Variants in CNTN4 observed in about 807,000 individuals in gnomAD.
CNTN4 encodes contactin 4.
CNTN4 carries 77 observed loss-of-function variants against 122.5 expected under a neutral mutation model. The ratio of observed to expected loss-of-function variants is 0.63; its 90% CI spans 0.52 to 0.76. CNTN4 has a LOEUF of 0.76. CNTN4 is among the 30% of genes least tolerant of loss of function. The pLI is 0.00. For synonymous variants in CNTN4, 512 were observed against 447.0 expected (o/e 1.15, Z -1.83); for missense variants, 1,256 against 1,259.1 (o/e 1.00, Z 0.04).
At chr3:2,982,302 C>A (rs1694100083) in intron 13 of CNTN4, among the ~76,000 whole-genome samples, 1 of 152,160 alleles carries the variant, frequency 6.6e-6, no homozygotes, top group Non-Finnish European at 1.5e-5. Flanking sequence ...ACTTTTACTA[C>A]CACCGTCACC....
At chr3:2,149,273 G>A (rs964973387) in intron 2 of CNTN4, among the ~76,000 whole-genome samples, 1 of 152,082 alleles carries the variant, frequency 6.6e-6, no homozygotes, top group Admixed American at 6.6e-5. Flanking sequence ...GTGACCATAC[G>A]CAGTGGTTTT....
At chr3:2,567,943 G>A (rs1007795277) in intron 3 of CNTN4, among the ~76,000 whole-genome samples, 9 of 152,012 alleles carry the variant, frequency 5.9e-5, no homozygotes, top group South Asian at 4.1e-4. Flanking sequence ...ACATTGCACC[G>A]AATTATAATG....
At chr3:2,150,605 A>T (rs977112699) in intron 2 of CNTN4, among the ~76,000 whole-genome samples, 1 of 152,222 alleles carries the variant, frequency 6.6e-6, no homozygotes, top group African/African-American at 2.4e-5. Flanking sequence ...AATCATTTGA[A>T]ACATCAGATA....
intron 3 of CNTN4, among the ~76,000 whole-genome samples, chr3:2,397,050 T>A (rs551641059): frequency 1.3e-5 from 2 of 152,174 alleles, no homozygotes; most frequent in East Asian, 3.9e-4. Context: ...AAGGATGGAG[T>A]TGTTTCATAG....
At chr3:2,929,476 G>A (rs938688965) in intron 13 of CNTN4, among the ~76,000 whole-genome samples, 1 of 152,158 alleles carries the variant, frequency 6.6e-6, no homozygotes, top group Non-Finnish European at 1.5e-5. Flanking sequence ...CAGGGTGGAT[G>A]CTTTTGGTTA....
intron 3 of CNTN4, among the ~76,000 whole-genome samples, chr3:2,424,305 A>G (rs1246170665): frequency 6.9e-6 from 1 of 144,354 alleles, no homozygotes; most frequent in East Asian, 2.1e-4. Flanking sequence ...TATGAGTGAG[A>G]ACATGTGATG....
chr3:2,928,612 T>C (rs985476803), intron 13 of CNTN4, among the ~76,000 whole-genome samples: 1 of 152,212 alleles, frequency 6.6e-6, no homozygotes, highest in African/African-American at 2.4e-5. Context: ...AAAAGGCAAG[T>C]CTTTAACCTT....
intron 4 of CNTN4, among the ~76,000 whole-genome samples, chr3:2,573,338 T>C (rs1162248191): frequency 6.6e-6 from 1 of 152,210 alleles, no homozygotes; most frequent in Non-Finnish European, 1.5e-5. Context: ...ATTGTGAACA[T>C]CTTGGCATCC....
In CNTN4 at chr3:2,945,362, G is replaced by A. The variant is rs771884201; in HGVS notation, c.1358+19583G>A. Among the ~76,000 whole-genome samples, 8 of 152,144 alleles carry A rather than the reference G, an allele frequency of 5.3e-5. No individual in the cohort carries two copies. The South Asian group carries it at 6.2e-4, about 12-fold the overall frequency. Reference sequence around the variant, plus strand: ...ATTGATTCTTTCTTGGCAAGGGAACGCAGTGTGATTCCTCTGCCTCATTTC... The same window carrying A: ...ATTGATTCTTTCTTGGCAAGGGAACACAGTGTGATTCCTCTGCCTCATTTC... On this transcript the variant is annotated intron_variant, in intron 13 of 24. Transcript: ENST00000418658.
At chr3:2,354,669 G>A (rs755820556) in intron 3 of CNTN4, among the ~76,000 whole-genome samples, 2 of 152,140 alleles carry the variant, frequency 1.3e-5, no homozygotes, top group African/African-American at 2.4e-5. Flanking sequence ...ATGAGAGTCT[G>A]ATATTAGCAG....
intron 2 of CNTN4, among the ~76,000 whole-genome samples, chr3:2,231,218 A>G (rs2039473857): frequency 6.6e-6 from 1 of 152,178 alleles, no homozygotes. Context: ...AATTCATACT[A>G]GCCACATTGC....
intron 3 of CNTN4, among the ~76,000 whole-genome samples, chr3:2,471,190 T>C (rs2075672184): frequency 2.0e-5 from 3 of 152,218 alleles, no homozygotes; most frequent in Non-Finnish European, 4.4e-5. Context: ...AAGAGACTTC[T>C]CAAACTAAGT....
intron 6 of CNTN4, among the ~76,000 whole-genome samples, chr3:2,763,544 T>C (rs897729526): frequency 1.3e-5 from 2 of 152,220 alleles, no homozygotes; most frequent in South Asian, 4.1e-4. Context: ...GTCTTTGTAA[T>C]GAAATCTTTG....
intron 3 of CNTN4, among the ~76,000 whole-genome samples, chr3:2,490,177 C>T (rs960232529): frequency 3.4e-5 from 5 of 145,438 alleles, no homozygotes; most frequent in African/African-American, 7.6e-5. Flanking sequence ...AACAAGCAAA[C>T]GTGAACATCT....
intron 12 of CNTN4, among the ~76,000 whole-genome samples, chr3:2,907,993 T>A (rs958650098): frequency 6.6e-6 from 1 of 152,198 alleles, no homozygotes; most frequent in African/African-American, 2.4e-5. Context: ...GCAGTTTATT[T>A]TTTTCCCAAG....
At chr3:2,121,463 A>G (rs1252616937) in intron 2 of CNTN4, among the ~76,000 whole-genome samples, 1 of 148,898 alleles carries the variant, frequency 6.7e-6, no homozygotes, top group African/African-American at 2.5e-5. Flanking sequence ...ACACCACTGC[A>G]CCCAGCCTGG....
In CNTN4 at chr3:2,222,647, C is replaced by T. The variant is rs374579392; in HGVS notation, c.-144-116531C>T. On this transcript the variant is annotated intron_variant, in intron 2 of 24. Coordinates refer to ENST00000418658, the MANE Select transcript of CNTN4 (RefSeq NM_175607.3). The stretch of plus-strand genomic sequence containing the variant: ...CTCTTGAGGGATATAAGAATTTATA[C>T]GCACAACCCCCCACACCCCCAACAC... 2.5e-3 allele frequency among the ~76,000 whole-genome samples: 374 copies of T among 151,548 alleles called. 1 individual carries two copies. The highest frequency in any genetic ancestry group is 0.024 in the Middle Eastern group (7 of 294).
intron 7 of CNTN4, among the ~76,000 whole-genome samples, chr3:2,832,791 T>C (rs370314973): frequency 3.5e-4 from 53 of 152,280 alleles, no homozygotes; most frequent in African/African-American, 1.3e-3. Flanking sequence ...TTGCCTCAAA[T>C]TTAAGTTTTA....
intron 18 of CNTN4, 149 bp downstream of exon 18, chr3:3,037,477 CAGGAG>C: frequency 9.0e-7 from 1 of 1,109,136 alleles, no homozygotes; most frequent in Non-Finnish European, 1.4e-6. Context: ...GAAATCAGGC[CAGGAG>C]AAGCCCAGCT....
Sources: gnomAD v4.1 joint callset for allele counts (sites outside exome capture counted in the v4.1 genomes callset) on GRCh38, gnomAD v4.1.1 for gene constraint, MANE v1.5 for transcripts, NCBI Gene and HGNC (gene_info 2026-07-23, HGNC 2026-07-21) for gene names.